The following HERPUD1 variants were observed in gnomAD, a reference collection of about 807,000 sequenced individuals.
HERPUD1 encodes homocysteine-responsive endoplasmic reticulum-resident ubiquitin-like domain member 1 protein.
In HERPUD1, 17 loss-of-function variants were observed where a neutral mutation model predicts 45.0. The observed-to-expected ratio is 0.38, with a 90% CI of 0.26 to 0.57. The LOEUF is 0.57. Among genes scored for constraint, HERPUD1 ranks in the 20% least tolerant of loss-of-function variants. HERPUD1 has a pLI of 0.72. For synonymous variants in HERPUD1, 164 were observed against 177.5 expected (o/e 0.92, Z 0.61); for missense variants, 420 against 490.5 (o/e 0.86, Z 1.36).
intron 6 of HERPUD1, chr16:56,940,833 CG>C (rs1208782218): frequency 6.6e-6 from 1 of 151,988 alleles, no homozygotes; most frequent in Non-Finnish European, 1.5e-5. Context: ...TGTGGTGGCA[CG>C]GGCCTGTAAT....
chr16:56,936,847 T>G (rs1163278345), intron 4 of HERPUD1, 30 bp downstream of exon 4: 1 of 1,609,690 alleles, frequency 6.2e-7, no homozygotes, highest in African/African-American at 1.3e-5. Context: ...TCTTGGCTTA[T>G]GCAACATGAA....
In HERPUD1 at chr16:56,935,470, G is replaced by A. The variant is rs777663307; in HGVS notation, c.295G>A (p.Ala99Thr). 1.1e-5 allele frequency: 18 copies of A among 1,612,904 alleles called. No individual in the cohort carries two copies. The Admixed American group carries it at 1.3e-4, about 12-fold the overall frequency. The change falls in exon 3 of 8, where the codon GCC becomes ACC. Residue 99 changes from alanine to threonine, a missense_variant. Physicochemically the swap from Ala to Thr is moderately conservative, Grantham distance 58. Coordinates refer to ENST00000439977, the MANE Select transcript of HERPUD1 (RefSeq NM_014685.4). The stretch of plus-strand genomic sequence containing the variant: ...TCCTTCAAAAATGCCAGAAATCAAC[G>A]CCAAGGTGTGTCTGCCTCTTCATGA... Reference protein sequence around the residue: ...KSPSKMPEINAKVAESTEEPA... With the variant: ...KSPSKMPEINTKVAESTEEPA...
At chr16:56,939,508 T>G in intron 5 of HERPUD1, 149 bp downstream of exon 5, 1 of 1,025,076 alleles carries the variant, frequency 9.8e-7, no homozygotes, top group South Asian at 1.6e-5. Flanking sequence ...GTGGGTAGAG[T>G]GTAAATGACA....
chr16:56,935,955 TGTGGCCC>T (rs1374335568), intron 3 of HERPUD1: 1 of 158,666 alleles, frequency 6.3e-6, no homozygotes, highest in Non-Finnish European at 1.4e-5. Context: ...GGTCTCGCTG[TGTGGCCC>T]AGGCTTTTCT....
chr16:56,935,760 C>A, intron 3 of HERPUD1: 1 of 395,072 alleles, frequency 2.5e-6, no homozygotes, highest in South Asian at 3.4e-5. Context: ...GATTACTGAA[C>A]TAACACTAAT....
intron 4 of HERPUD1, among the ~76,000 whole-genome samples, chr16:56,937,653 C>T (rs1286093993): frequency 6.6e-6 from 1 of 151,078 alleles, no homozygotes; most frequent in East Asian, 1.9e-4. Context: ...AAGTAATTCC[C>T]AGGCATCATG....
intron 1 of HERPUD1, among the ~76,000 whole-genome samples, chr16:56,934,311 T>G (rs1219543399): frequency 6.6e-6 from 1 of 152,082 alleles, no homozygotes; most frequent in Non-Finnish European, 1.5e-5. Context: ...TTAAAATCAC[T>G]GATATGGAGG....
At chr16:56,934,702 C>CTTTTTTTTTTTTTTTTTTT (rs869088050) in intron 1 of HERPUD1, among the ~76,000 whole-genome samples, 2 of 59,906 alleles carry the variant, frequency 3.3e-5, no homozygotes, top group South Asian at 7.2e-4. Flanking sequence ...ATTTGCCATT[C>CTTTTTTTTTTTTTTTTTTT]TTTTTTTTTT....
intron 1 of HERPUD1, among the ~76,000 whole-genome samples, chr16:56,932,838 C>G (rs1400634814): frequency 6.6e-6 from 1 of 152,234 alleles, no homozygotes; most frequent in Non-Finnish European, 1.5e-5. Flanking sequence ...AGGCCCCACA[C>G]CCAGAAGCAG....
At chr16:56,939,828 T>C (rs1341256894) in intron 5 of HERPUD1, 67 bp from the exon 6 acceptor site, 2 of 1,249,552 alleles carry the variant, frequency 1.6e-6, no homozygotes, top group African/African-American at 1.5e-5. Flanking sequence ...GACTGCTGTG[T>C]AAATAAGCCA....
intron 1 of HERPUD1, among the ~76,000 whole-genome samples, chr16:56,934,498 G>A (rs1381835836): frequency 2.0e-5 from 3 of 152,090 alleles, no homozygotes; most frequent in Admixed American, 6.5e-5. Flanking sequence ...TGTCTGTGAA[G>A]GCTTCAGTTT....
Position 56,939,918 on chromosome 16 carries a change from G to A in HERPUD1, c.578G>A (p.Gly193Glu). The change falls in exon 6 of 8, where the codon GGG becomes GAG. Residue 193 changes from glycine (G) to glutamate (E), a missense_variant. Physicochemically the swap from Gly to Glu is moderately conservative, Grantham distance 98. Coordinates refer to ENST00000439977, the MANE Select transcript of HERPUD1 (RefSeq NM_014685.4). ...MQYLAATAASGAFVPPPSAQE... is the reference protein window; with the variant it reads ...MQYLAATAASEAFVPPPSAQE... The stretch of plus-strand genomic sequence containing the variant: ...AGTTTAGCAGCCACTGCTGCATCAG[G>A]GGCTTTTGTTCCACCACCAAGTGCA... The A allele has an allele frequency of 6.2e-7, 1 of 1,610,810 alleles. No homozygotes were observed. Among genetic ancestry groups the A allele is most frequent in the Non-Finnish European group, 8.5e-7 (1 of 1,177,088 alleles).
At chr16:56,941,884 A>C (rs1382179402) in intron 6 of HERPUD1, 1 of 420,650 alleles carries the variant, frequency 2.4e-6, no homozygotes, top group Non-Finnish European at 4.3e-6. Flanking sequence ...TATTGAGTGC[A>C]TACTATGTGC....
chr16:56,939,902 G>A lies in HERPUD1; in HGVS notation c.562G>A (p.Ala188Thr). Reference sequence around the variant, plus strand: ...CTGTCGTTTTTATTTTAGTTTAGCAGCCACTGCTGCATCAGGGGCTTTTGT... The same window carrying A: ...CTGTCGTTTTTATTTTAGTTTAGCAACCACTGCTGCATCAGGGGCTTTTGT... ...ARQYYMQYLA[A>T]TAASGAFVPP... The change falls in exon 6 of 8, where the codon GCC becomes ACC. Residue 188 changes from alanine (A) to threonine (T), a missense_variant. Ala to Thr is a moderately conservative substitution (Grantham distance 58). Coordinates refer to ENST00000439977, the MANE Select transcript of HERPUD1 (RefSeq NM_014685.4). 6.2e-7 allele frequency: 1 copy of A among 1,608,110 alleles called. No individual in the cohort carries two copies. The highest frequency in any genetic ancestry group is 8.5e-7 in the Non-Finnish European group (1 of 1,174,892).
chr16:56,932,157 A>C lies in HERPUD1; in HGVS notation c.-88A>C, dbSNP rs760535976. The C allele has an allele frequency of 3.9e-6, 6 of 1,552,256 alleles. No homozygotes were observed. In the East Asian group the frequency reaches 1.4e-4, roughly 37 times the overall value. On this transcript the variant is annotated 5_prime_UTR_variant, in exon 1 of 8. Transcript: ENST00000439977. ...GGGGGCGCGCGCCCCAGAGACGTGA[A>C]CTGTCGTTGCAGAGATTGCGGGCGG...
In HERPUD1 at chr16:56,932,396, G is replaced by A; in HGVS notation, c.147+5G>A. 4 of 1,568,490 alleles carry A rather than the reference G, an allele frequency of 2.6e-6. No individual in the cohort carries two copies. The highest frequency in any genetic ancestry group is 3.4e-6 in the Non-Finnish European group (4 of 1,162,228). On this transcript the variant is annotated splice_donor_5th_base_variant and intron_variant, in intron 1 of 7. Coordinates refer to ENST00000439977, the MANE Select transcript of HERPUD1 (RefSeq NM_014685.4). Reference sequence around the variant, plus strand: ...CGCGTCTACCCCGAGCGTCCGGTGAGAGCGGCCCCGACTTCCCGCCCCTAG... The same window carrying A: ...CGCGTCTACCCCGAGCGTCCGGTGAAAGCGGCCCCGACTTCCCGCCCCTAG...
intron 1 of HERPUD1, 33 bp from the exon 2 acceptor site, chr16:56,935,202 C>G: frequency 6.7e-7 from 1 of 1,499,598 alleles, no homozygotes; most frequent in Non-Finnish European, 9.3e-7. Context: ...GGGTGAAATG[C>G]TGACCTGTGT....
chr16:56,935,492 A>G lies in HERPUD1; in HGVS notation c.300+17A>G. The G allele has an allele frequency of 6.2e-7, 1 of 1,604,398 alleles. No homozygotes were observed. Among genetic ancestry groups the G allele is most frequent in the Non-Finnish European group, 8.5e-7 (1 of 1,171,192 alleles). ...AACGCCAAGGTGTGTCTGCCTCTTC[A>G]TGATGGTAACAATTTGTATCATTCA... On this transcript the variant is annotated intron_variant, in intron 3 of 7. Transcript: ENST00000439977.
At position 56,932,947 on chromosome 16, in the gene HERPUD1, A is replaced by T. The variant is rs76930080; in HGVS notation, c.147+556A>T. ...CGAGTCCCGGGGTGGAGCCCCGTGC[A>T]CTTTCTGACCAAGAGCGACTGAGAA... is the stretch of plus-strand genomic sequence containing the variant. On this transcript the variant is annotated intron_variant, in intron 1 of 7. Coordinates refer to ENST00000439977, the MANE Select transcript of HERPUD1 (RefSeq NM_014685.4). 7.8e-3 allele frequency among the ~76,000 whole-genome samples: 1,182 copies of T among 152,284 alleles called. 10 individuals are homozygous for T. Among genetic ancestry groups the T allele is most frequent in the African/African-American group, 0.028 (1,152 of 41,542 alleles).
Sources: allele counts gnomAD v4.1 joint callset (sites outside exome capture counted in the v4.1 genomes callset), GRCh38; gene constraint gnomAD v4.1.1; transcripts MANE v1.5; gene names NCBI Gene and HGNC (gene_info 2026-07-23, HGNC 2026-07-21).